GSDMA: variants seen among roughly 807,000 people sequenced by gnomAD.
The protein encoded by GSDMA is gasdermin-A.
A neutral mutation model predicts 54.3 loss-of-function variants in GSDMA; 55 were observed. That is an observed-to-expected ratio of 1.01 (90% CI 0.82 to 1.27). The LOEUF (loss-of-function observed/expected upper bound fraction) is 1.27. GSDMA is among the 50% of genes most tolerant of loss of function. The probability of loss-of-function intolerance (pLI) is 0.00; values close to 1 mark genes in which losing one functional copy is unlikely to be tolerated. For synonymous variants in GSDMA, 211 were observed against 224.7 expected (o/e 0.94, Z 0.54); for missense variants, 542 against 542.6 (o/e 1.00, Z 0.01).
At position 39,971,847 on chromosome 17, in the gene GSDMA, C is replaced by T. The variant is rs188170414; in HGVS notation, c.655+227C>T. 1.8e-3 allele frequency among the ~76,000 whole-genome samples: 272 copies of T among 152,136 alleles called. 1 individual carries two copies. Among genetic ancestry groups the T allele is most frequent in the African/African-American group, 6.1e-3 (254 of 41,500 alleles). ...ACTGTGGTTATTGGGGGAGGGGGTA[C>T]AAATATGAACATGCACTGCCTCTGC... On this transcript the variant is annotated intron_variant, in intron 5 of 11. Coordinates refer to ENST00000301659, the MANE Select transcript of GSDMA (RefSeq NM_178171.5).
intron 1 of GSDMA, among the ~76,000 whole-genome samples, chr17:39,964,118 G>A (rs564235061): frequency 1.4e-4 from 22 of 152,284 alleles, no homozygotes; most frequent in African/African-American, 4.8e-4. Context: ...TCAGAAGAGC[G>A]CTTTGGAAAC....
At chr17:39,964,341 G>A (rs143192392) in intron 1 of GSDMA, among the ~76,000 whole-genome samples, 1,850 of 152,236 alleles carry the variant, frequency 0.012, 41 homozygotes, top group African/African-American at 0.042. Flanking sequence ...GGTCAAGGAG[G>A]GCGGATCATT....
At chr17:39,964,247 G>C (rs997392218) in intron 1 of GSDMA, among the ~76,000 whole-genome samples, 2 of 152,170 alleles carry the variant, frequency 1.3e-5, no homozygotes, top group African/African-American at 4.8e-5. Context: ...ATTGTAAGCA[G>C]AGGGGGCAAA....
At chr17:39,963,212 G>A (rs1281511468) in intron 1 of GSDMA, 127 bp downstream of exon 1, 1 of 152,342 alleles carries the variant, frequency 6.6e-6, no homozygotes, top group African/African-American at 2.4e-5. Flanking sequence ...CCTTGGGGAG[G>A]GAAGGGAGAG....
chr17:39,971,677 G>GGTGC, intron 5 of GSDMA, 57 bp downstream of exon 5: 1 of 1,272,014 alleles, frequency 7.9e-7, no homozygotes, highest in Non-Finnish European at 1.1e-6. Context: ...CACCAGTACT[G>GGTGC]AGGCACCCTG....
rs368102955 is a variant in GSDMA, at chr17:39,972,146, A to C, written c.673A>C (p.Asn225His). The change falls in exon 6 of 12, where the codon AAT becomes CAT. Residue 225 changes from asparagine to histidine, a missense_variant. Transcript: ENST00000301659. ...KDEWDIPHIC[N>H]DNMQTFPPGE... ...CTTCACAGATATTCCACATATCTGC[A>C]ATGATAACATGCAAACCTTCCCTCC... The C allele has an allele frequency of 1.3e-6, 2 of 1,551,392 alleles. No homozygotes were observed.
rs144409708 is a variant in GSDMA at position 39,965,914 on chromosome 17, C to T, written c.214+13C>T. ...AGCTCACCTTCAGGTCAGCCTCAAGCGGGGCTGGGAACTGAGGGATACTGA... is the reference window on the plus strand; with the variant it reads ...AGCTCACCTTCAGGTCAGCCTCAAGTGGGGCTGGGAACTGAGGGATACTGA... On this transcript the variant is annotated intron_variant, in intron 2 of 11. Coordinates refer to ENST00000301659, the MANE Select transcript of GSDMA (RefSeq NM_178171.5). 8.9e-3 allele frequency: 13,750 copies of T among 1,549,146 alleles called. 73 individuals are homozygous for T. Among genetic ancestry groups the T allele is most frequent in the Non-Finnish European group, 0.011 (12,251 of 1,146,338 alleles).
chr17:39,976,425 C>A (rs990383453), intron 11 of GSDMA, among the ~76,000 whole-genome samples: 1 of 151,922 alleles, frequency 6.6e-6, no homozygotes. Flanking sequence ...ATTACAGGCG[C>A]CCACCACCAC....
At chr17:39,973,880 T>G in intron 8 of GSDMA, 50 bp downstream of exon 8, 1 of 1,541,498 alleles carries the variant, frequency 6.5e-7, no homozygotes, top group Non-Finnish European at 9.0e-7. Context: ...GAGGTAGCAT[T>G]AGGGGCAGAG....
chr17:39,965,269 A>G (rs999443737), intron 1 of GSDMA, among the ~76,000 whole-genome samples: 3 of 115,548 alleles, frequency 2.6e-5, no homozygotes, highest in African/African-American at 8.9e-5. Context: ...AGAGAAAGAA[A>G]GAAGGAAGGA....
chr17:39,969,407 T>C (rs1477653351), intron 3 of GSDMA, among the ~76,000 whole-genome samples: 2 of 144,516 alleles, frequency 1.4e-5, no homozygotes, highest in Non-Finnish European at 3.0e-5. Flanking sequence ...TTAGAGGGAG[T>C]TGAGAAAACA....
At chr17:39,975,074 G>T in intron 10 of GSDMA, 60 bp downstream of exon 10, 4 of 887,906 alleles carry the variant, frequency 4.5e-6, no homozygotes, top group South Asian at 1.4e-5. Flanking sequence ...TGAATCACTT[G>T]AATCAATTCC....
chr17:39,966,895 C>G (rs150947817), intron 3 of GSDMA, among the ~76,000 whole-genome samples: 1 of 152,202 alleles, frequency 6.6e-6, no homozygotes, highest in Non-Finnish European at 1.5e-5. Context: ...ATAAATGAAG[C>G]CTCCTGCCTG....
At chr17:39,965,267 AAAG>A (rs1979589312) in intron 1 of GSDMA, among the ~76,000 whole-genome samples, 5 of 138,202 alleles carry the variant, frequency 3.6e-5, no homozygotes, top group Admixed American at 3.0e-4. Flanking sequence ...GGAGAGAAAG[AAAG>A]AAGGAAGGAA....
At chr17:39,967,576 T>A (rs373323528) in intron 3 of GSDMA, among the ~76,000 whole-genome samples, 1 of 152,206 alleles carries the variant, frequency 6.6e-6, no homozygotes, top group African/African-American at 2.4e-5. Context: ...GAAAATGTTC[T>A]GATGTGTCCC....
intron 3 of GSDMA, among the ~76,000 whole-genome samples, chr17:39,968,731 G>T (rs1410344905): frequency 6.6e-6 from 1 of 152,162 alleles, no homozygotes; most frequent in Non-Finnish European, 1.5e-5. Flanking sequence ...AGGGAGGAAT[G>T]GATGCAATGC....
At chr17:39,973,869 G>A (rs1980074302) in intron 8 of GSDMA, 39 bp downstream of exon 8, 3 of 1,594,498 alleles carry the variant, frequency 1.9e-6, no homozygotes, top group South Asian at 1.1e-5. Flanking sequence ...ACTTTGGCAT[G>A]GAGGTAGCAT....
At chr17:39,974,173 T>C in intron 8 of GSDMA, 100 bp from the exon 9 acceptor site, 1 of 1,245,382 alleles carries the variant, frequency 8.0e-7, no homozygotes, top group Non-Finnish European at 1.1e-6. Context: ...AGAGCATGGG[T>C]ACCTAAAGGG....
intron 4 of GSDMA, among the ~76,000 whole-genome samples, chr17:39,971,141 C>T (rs1305644591): frequency 6.6e-6 from 1 of 152,094 alleles, no homozygotes; most frequent in African/African-American, 2.4e-5. Context: ...TCATGGAAGG[C>T]GTCCTGAAAG....
Sources: allele counts gnomAD v4.1 joint callset (sites outside exome capture counted in the v4.1 genomes callset), GRCh38; gene constraint gnomAD v4.1.1; transcripts MANE v1.5; gene names NCBI Gene and HGNC (gene_info 2026-07-23, HGNC 2026-07-21).